Variants in DSCAM observed in about 807,000 individuals in gnomAD.
The protein encoded by DSCAM is DS cell adhesion molecule.
DSCAM carries 47 observed loss-of-function variants against 217.7 expected under a neutral mutation model. The observed-to-expected ratio is 0.22, with a 90% CI of 0.17 to 0.28. DSCAM has a LOEUF of 0.28. DSCAM is among the 10% of genes least tolerant of loss of function. The pLI, the probability that DSCAM is intolerant of heterozygous loss-of-function variation, is 1.00. For synonymous variants in DSCAM, 1,056 were observed against 1,015.3 expected (o/e 1.04, Z -0.76); for missense variants, 2,080 against 2,618.3 (o/e 0.79, Z 4.49).
chr21:40,447,240 T>C (rs193136211), intron 3 of DSCAM, among the ~76,000 whole-genome samples: 2 of 152,324 alleles, frequency 1.3e-5, no homozygotes, highest in East Asian at 3.9e-4. Context: ...ATGGGCTGCA[T>C]CATGGAAGGT....
intron 11 of DSCAM, among the ~76,000 whole-genome samples, chr21:40,268,041 C>A (rs2073564443): frequency 6.6e-6 from 1 of 152,212 alleles, no homozygotes; most frequent in South Asian, 2.1e-4. Flanking sequence ...TGCTGCTCCA[C>A]AGATGTAACC....
intron 1 of DSCAM, among the ~76,000 whole-genome samples, chr21:40,840,750 A>G (rs2092094196): frequency 6.6e-6 from 1 of 152,160 alleles, no homozygotes. Context: ...AAAAGAGTCC[A>G]GTGGTTTAGT....
At chr21:40,822,122 C>A (rs2091933035) in intron 1 of DSCAM, among the ~76,000 whole-genome samples, 1 of 151,130 alleles carries the variant, frequency 6.6e-6, no homozygotes, top group African/African-American at 2.4e-5. Context: ...AGTTTGAGAC[C>A]AGCCTGGCCA....
intron 3 of DSCAM, among the ~76,000 whole-genome samples, chr21:40,467,970 A>G (rs2075858950): frequency 6.6e-6 from 1 of 150,436 alleles, no homozygotes; most frequent in African/African-American, 2.5e-5. Context: ...CTCCCTCACA[A>G]TTTGCCCACT....
intron 9 of DSCAM, among the ~76,000 whole-genome samples, chr21:40,299,099 A>C (rs754564662): frequency 2.6e-5 from 4 of 152,170 alleles, no homozygotes; most frequent in Non-Finnish European, 5.9e-5. Context: ...CCAGTGATTT[A>C]CAGTCACATG....
chr21:40,017,204 A>G lies in DSCAM; in HGVS notation c.5687-3818T>C, dbSNP rs1210641084. 2.0e-5 allele frequency among the ~76,000 whole-genome samples: 3 copies of G among 152,192 alleles called. No individual in the cohort carries two copies. In the East Asian group the frequency reaches 5.8e-4, roughly 29 times the overall value. On this transcript the variant is annotated intron_variant, in intron 32 of 32. Coordinates refer to ENST00000400454, the MANE Select transcript of DSCAM (RefSeq NM_001389.5). ...AATTTAAATGAGCATACAAATTTTC[A>G]AAATGTTATTACCCGTCTTGAAAAT...
At chr21:40,213,043 A>T (rs13052377) in intron 11 of DSCAM, among the ~76,000 whole-genome samples, 68,513 of 152,064 alleles carry the variant, frequency 0.45, 16,473 homozygotes, top group East Asian at 0.58. Context: ...TGACTTCTTG[A>T]TTTCAGATGT....
chr21:40,116,903 G>C (rs1331696068), intron 20 of DSCAM, among the ~76,000 whole-genome samples: 1 of 148,346 alleles, frequency 6.7e-6, no homozygotes, highest in East Asian at 2.0e-4. Flanking sequence ...TTGGGAGGCC[G>C]AGGCAGGAGA....
intron 1 of DSCAM, among the ~76,000 whole-genome samples, chr21:40,733,822 G>T (rs1371001960): frequency 6.6e-6 from 1 of 152,188 alleles, no homozygotes; most frequent in East Asian, 1.9e-4. Flanking sequence ...CAGGGGCCTG[G>T]CTTGGTTTGG....
At chr21:40,339,069 C>T (rs1047450244) in intron 7 of DSCAM, 50 bp downstream of exon 7, 1 of 1,594,762 alleles carries the variant, frequency 6.3e-7, no homozygotes, top group African/African-American at 1.3e-5. Context: ...TCTTCTTCTC[C>T]ACTATAATGA....
intron 3 of DSCAM, among the ~76,000 whole-genome samples, chr21:40,590,105 T>C (rs1395233794): frequency 1.3e-5 from 2 of 152,028 alleles, no homozygotes; most frequent in Non-Finnish European, 2.9e-5. Flanking sequence ...TGAATATGAA[T>C]CTCCAATGTA....
chr21:40,044,998 TG>T (rs1325510958), intron 30 of DSCAM, among the ~76,000 whole-genome samples: 1 of 152,194 alleles, frequency 6.6e-6, no homozygotes, highest in African/African-American at 2.4e-5. Flanking sequence ...AAGGTCATAT[TG>T]GAATAGGGTT....
At chr21:40,518,454 T>TTATATAAATTATATATAA (rs2076326527) in intron 3 of DSCAM, among the ~76,000 whole-genome samples, 2 of 3,288 alleles carry the variant, frequency 6.1e-4, no homozygotes, top group Non-Finnish European at 9.2e-4. Flanking sequence ...ATATTATATA[T>TTATATAAATTATATATAA]TATATATAAT....
In DSCAM at chr21:40,050,397, T is replaced by C. The variant is rs562718559; in HGVS notation, c.5185+1561A>G. On this transcript the variant is annotated intron_variant, in intron 30 of 32. Transcript: ENST00000400454. The stretch of plus-strand genomic sequence containing the variant: ...AGCAAAAAAGTGGCTCTTAAACCCA[T>C]TGGAGCAGTGTCTTGGAGTAGCAGC... Among the ~76,000 whole-genome samples, 10 of 152,274 alleles carry C rather than the reference T, an allele frequency of 6.6e-5. No individual in the cohort carries two copies. The South Asian group carries it at 1.9e-3, about 28-fold the overall frequency.
Position 40,708,108 on chromosome 21 carries a change from G to A in DSCAM, c.361+346C>T, listed in dbSNP as rs971445154. ...TTTCTCCTCCCCTAGGATGGGGTAG[G>A]GGAAGGGCAAGTGGGAAAAAAGGAG... On this transcript the variant is annotated intron_variant, in intron 2 of 32. Transcript: ENST00000400454. Among the ~76,000 whole-genome samples the A allele has an allele frequency of 3.4e-5, 5 of 147,424 alleles. 1 individual carries two copies. The highest frequency in any genetic ancestry group is 2.1e-4 in the South Asian group (1 of 4,750).
intron 15 of DSCAM, among the ~76,000 whole-genome samples, chr21:40,174,531 C>CTTTTTTTTT (rs112792781): frequency 7.0e-6 from 1 of 143,130 alleles, no homozygotes; most frequent in Non-Finnish European, 1.5e-5. Flanking sequence ...CCATGTTATT[C>CTTTTTTTTT]TTTTTTTTTT....
chr21:40,306,150 T>A (rs1160199399), intron 9 of DSCAM, among the ~76,000 whole-genome samples: 4 of 151,286 alleles, frequency 2.6e-5, no homozygotes, highest in African/African-American at 7.4e-5. Context: ...CTTGAAGAGG[T>A]CCTTCACATC....
chr21:40,780,423 G>GTGTGTGTGTGTGTGTATATATATATATA (rs1007015659), intron 1 of DSCAM, among the ~76,000 whole-genome samples: 6 of 56,416 alleles, frequency 1.1e-4, no homozygotes, highest in African/African-American at 4.6e-4. Context: ...GTGTGTGTGT[G>GTGTGTGTGTGTGTGTATATATATATATA]TATATATATA....
intron 1 of DSCAM, among the ~76,000 whole-genome samples, chr21:40,811,300 T>G (rs528987296): frequency 7.2e-5 from 11 of 152,356 alleles, no homozygotes; most frequent in African/African-American, 2.6e-4. Context: ...CAAATTAGTA[T>G]TTGTGGCTCT....
Sources: gnomAD v4.1 joint callset for allele counts (sites outside exome capture counted in the v4.1 genomes callset) on GRCh38, gnomAD v4.1.1 for gene constraint, MANE v1.5 for transcripts, NCBI Gene and HGNC (gene_info 2026-07-23, HGNC 2026-07-21) for gene names.